The following JAKMIP3 variants were observed in gnomAD, a reference collection of about 807,000 sequenced individuals.
JAKMIP3 encodes the protein Janus kinase and microtubule interacting protein 3.
In JAKMIP3, 58 loss-of-function variants were observed where a neutral mutation model predicts 118.5. The observed-to-expected ratio is 0.49, with a 90% CI of 0.40 to 0.61. The LOEUF is 0.61. Among genes scored for constraint, JAKMIP3 ranks in the 20% least tolerant of loss-of-function variants. The pLI is 0.00. For synonymous variants in JAKMIP3, 486 were observed against 451.2 expected, an observed-to-expected ratio of 1.08 and a Z score of -0.98; for missense variants, 950 against 1,109.0, an observed-to-expected ratio of 0.86 and a Z score of 2.04.
chr10:132,068,083 T>C (rs61865706), intron 1 of JAKMIP3, among the ~76,000 whole-genome samples: 20 of 25,822 alleles, frequency 7.7e-4, no homozygotes, highest in African/African-American at 1.7e-3. Flanking sequence ...TGTGGGTTTC[T>C]GTGTGGACTG....
chr10:132,109,676 TA>T (rs1265109505), intron 2 of JAKMIP3, among the ~76,000 whole-genome samples: 2 of 150,510 alleles, frequency 1.3e-5, no homozygotes, highest in Non-Finnish European at 3.0e-5. Flanking sequence ...CTCCATTCCA[TA>T]AATGGAATAT....
rs1338297338 is a variant in JAKMIP3, at chr10:132,097,917, C to CCCCTTT, written c.-137-6752_-137-6747dup. Among the ~76,000 whole-genome samples the CCCCTTT allele has an allele frequency of 1.3e-4, 7 of 55,936 alleles. 1 individual carries two copies. The highest frequency in any genetic ancestry group is 7.3e-4 in the Admixed American group (4 of 5,496). 36.7% of individuals were successfully genotyped at this position (55,936 alleles called of 152,430 possible). ...TCCCCTTCCCCTTCCCCTTCCCCTT[C>CCCCTTT]CCCTTTCCTTCCCCTTCCCCTTTCC... On this transcript the variant is annotated intron_variant, in intron 1 of 23. Transcript: ENST00000684848.
At chr10:132,039,272 C>T (rs1185031605) in intron 1 of JAKMIP3, among the ~76,000 whole-genome samples, 1 of 152,124 alleles carries the variant, frequency 6.6e-6, no homozygotes, top group Non-Finnish European at 1.5e-5. Context: ...GGGCATGAGC[C>T]ACCGTGCCCA....
In JAKMIP3 at chr10:132,115,086, C is replaced by T. The variant is rs575990731; in HGVS notation, c.136-1991C>T. 9.8e-5 allele frequency among the ~76,000 whole-genome samples: 15 copies of T among 152,310 alleles called. No individual in the cohort carries two copies. In the South Asian group the frequency reaches 2.5e-3, roughly 25 times the overall value. ...CATGAAGTGTTAGCTGCTGTGGCTCCGATTCCATAGACACTTCCCCAAGCT... is the reference window on the plus strand; with the variant it reads ...CATGAAGTGTTAGCTGCTGTGGCTCTGATTCCATAGACACTTCCCCAAGCT... On this transcript the variant is annotated intron_variant, in intron 2 of 23. Transcript: ENST00000684848.
chr10:132,145,178 G>A lies in JAKMIP3; in HGVS notation c.1674G>A (p.Ala558=), dbSNP rs761633309. The A allele has an allele frequency of 5.3e-5, 85 of 1,609,012 alleles. No individual in the cohort carries two copies. In the Middle Eastern group the frequency reaches 1.5e-3, roughly 28 times the overall value. Residue 558 remains alanine (A), a synonymous_variant, in exon 12 of 24, where the codon GCG becomes GCA. Coordinates refer to ENST00000684848, the MANE Select transcript of JAKMIP3 (RefSeq NM_001323087.2). Reference sequence around the variant, plus strand: ...TAGAGGACCTGGAGAAGGCCCTGGCGGAGCAGGGGCAGGTGAGCCTGCAGC... The same window carrying A: ...TAGAGGACCTGGAGAAGGCCCTGGCAGAGCAGGGGCAGGTGAGCCTGCAGC... ...ARIEDLEKAL[A]EQGQDMKWIE...
chr10:132,042,263 G>C (rs2133765932), intron 1 of JAKMIP3, among the ~76,000 whole-genome samples: 1 of 144,320 alleles, frequency 6.9e-6, no homozygotes, highest in South Asian at 2.2e-4. Flanking sequence ...CCAGGCTGGA[G>C]TGCAGTGGCA....
At chr10:132,109,227 CAGG>C (rs1346308430) in intron 2 of JAKMIP3, among the ~76,000 whole-genome samples, 3 of 151,918 alleles carry the variant, frequency 2.0e-5, no homozygotes, top group Non-Finnish European at 4.4e-5. Flanking sequence ...GGCTTGAGCC[CAGG>C]AGGTCAAGGC....
intron 1 of JAKMIP3, among the ~76,000 whole-genome samples, chr10:132,102,590 C>G (rs1396689494): frequency 6.6e-6 from 1 of 152,244 alleles, no homozygotes; most frequent in Non-Finnish European, 1.5e-5. Flanking sequence ...CCTGTCAGCC[C>G]CGCAGGCTCC....
At chr10:132,132,109 G>A (rs2050760624) in intron 3 of JAKMIP3, among the ~76,000 whole-genome samples, 1 of 152,218 alleles carries the variant, frequency 6.6e-6, no homozygotes, top group Admixed American at 6.5e-5. Context: ...TGTGTGCAGA[G>A]AAAATGGGGA....
chr10:132,070,457 T>C (rs1322513500), intron 1 of JAKMIP3, among the ~76,000 whole-genome samples: 2 of 152,154 alleles, frequency 1.3e-5, no homozygotes, highest in African/African-American at 4.8e-5. Flanking sequence ...CTGTCCTCTG[T>C]CCTCCCTTTA....
rs2052330339 is a variant in JAKMIP3, at chr10:132,138,297, G to A, written c.1344+119G>A. 23 of 910,884 alleles carry A rather than the reference G, an allele frequency of 2.5e-5. No homozygotes were observed. The Admixed American group carries it at 4.9e-4, about 19-fold the overall frequency. The allele number at this position is 910,884 out of a possible 1,614,324, so 56.4% of individuals were successfully genotyped here. A position where few individuals can be genotyped will look rare whatever the true frequency, so the allele number is the denominator to read the frequency against. Reference sequence around the variant, plus strand: ...AGAGGGGTGCGCCGGTGTACGTGGAGGGCGCTGGGTGTGTGTGCCGAGGAC... The same window carrying A: ...AGAGGGGTGCGCCGGTGTACGTGGAAGGCGCTGGGTGTGTGTGCCGAGGAC... On this transcript the variant is annotated intron_variant, in intron 9 of 23. Transcript: ENST00000684848.
chr10:132,145,632 G>T (rs2054454777), intron 13 of JAKMIP3, 52 bp downstream of exon 13: 9 of 1,446,456 alleles, frequency 6.2e-6, no homozygotes, highest in Non-Finnish European at 8.5e-6. Context: ...ATGCTCCTGG[G>T]GGTTGCAGTG....
intron 2 of JAKMIP3, among the ~76,000 whole-genome samples, chr10:132,114,740 A>G (rs531434144): frequency 4.6e-5 from 7 of 152,356 alleles, no homozygotes; most frequent in African/African-American, 1.2e-4. Flanking sequence ...AGTATGATAT[A>G]TTCTTCCATT....
At chr10:132,149,535 T>G in intron 15 of JAKMIP3, 25 bp downstream of exon 15, 2 of 928,654 alleles carry the variant, frequency 2.2e-6, no homozygotes, top group South Asian at 2.1e-5. Flanking sequence ...TCCTGCCCAC[T>G]CCGCCCCCAC....
intron 23 of JAKMIP3, among the ~76,000 whole-genome samples, chr10:132,176,827 A>T (rs2060180899): frequency 6.6e-6 from 1 of 151,646 alleles, no homozygotes. Context: ...TGCTTCTTGA[A>T]CATTCCTGTG....
At chr10:132,122,550 G>T (rs531507700) in intron 3 of JAKMIP3, among the ~76,000 whole-genome samples, 1 of 152,374 alleles carries the variant, frequency 6.6e-6, no homozygotes, top group African/African-American at 2.4e-5. Context: ...TGCTCTCAGA[G>T]CATGGAGGCT....
intron 1 of JAKMIP3, among the ~76,000 whole-genome samples, chr10:132,090,533 A>AT (rs2042967398): frequency 6.6e-6 from 1 of 152,108 alleles, no homozygotes; most frequent in Non-Finnish European, 1.5e-5. Flanking sequence ...GGTAGTTTGT[A>AT]TTTCTGTGGG....
At chr10:132,091,220 A>G (rs913725048) in intron 1 of JAKMIP3, among the ~76,000 whole-genome samples, 2 of 152,170 alleles carry the variant, frequency 1.3e-5, no homozygotes, top group Non-Finnish European at 2.9e-5. Context: ...GTTTTGGAAT[A>G]AGTGTGATGT....
At chr10:132,153,059 G>A (rs766862218) in intron 17 of JAKMIP3, 36 bp downstream of exon 17, 28 of 1,517,526 alleles carry the variant, frequency 1.8e-5, no homozygotes, top group South Asian at 8.2e-5. Flanking sequence ...GGAGAGGGCC[G>A]GGCTCCTGGG....
Sources: gnomAD v4.1 joint callset for allele counts (sites outside exome capture counted in the v4.1 genomes callset) on GRCh38, gnomAD v4.1.1 for gene constraint, MANE v1.5 for transcripts, NCBI Gene and HGNC (gene_info 2026-07-23, HGNC 2026-07-21) for gene names.